Variants in ESYT2 observed in about 807,000 individuals in gnomAD.
ESYT2 encodes extended synaptotagmin 2.
ESYT2 carries 54 observed loss-of-function variants against 107.2 expected under a neutral mutation model. The ratio of observed to expected loss-of-function variants is 0.50; its 90% CI spans 0.40 to 0.63. The LOEUF (loss-of-function observed/expected upper bound fraction) is 0.63, where lower values mean the gene tolerates loss of function less well. ESYT2 is among the 30% of genes least tolerant of loss of function. The pLI is 0.00. For missense variants in ESYT2, 1,020 were observed against 1,094.5 expected (o/e 0.93, Z 0.96); for synonymous variants, 491 against 434.1 (o/e 1.13, Z -1.63).
At chr7:158,756,325 G>A (rs1837754159) in intron 13 of ESYT2, among the ~76,000 whole-genome samples, 1 of 152,156 alleles carries the variant, frequency 6.6e-6, no homozygotes. Flanking sequence ...GAACAGCACA[G>A]GTATCCAGTG....
At chr7:158,813,051 G>A (rs1010028177) in intron 1 of ESYT2, among the ~76,000 whole-genome samples, 2 of 152,160 alleles carry the variant, frequency 1.3e-5, no homozygotes, top group African/African-American at 2.4e-5. Context: ...GCACTGAATT[G>A]TGTCCTTTAA....
intron 3 of ESYT2, among the ~76,000 whole-genome samples, chr7:158,797,647 A>C (rs1366712197): frequency 6.6e-6 from 1 of 152,032 alleles, no homozygotes; most frequent in African/African-American, 2.4e-5. Flanking sequence ...TGAGGTCAGG[A>C]GATCGAGACC....
chr7:158,811,575 G>T (rs547335923), intron 1 of ESYT2, among the ~76,000 whole-genome samples: 2 of 152,302 alleles, frequency 1.3e-5, no homozygotes, highest in South Asian at 4.1e-4. Context: ...ACAAGCTCCC[G>T]CACATGTGCA....
intron 16 of ESYT2, 83 bp downstream of exon 16, chr7:158,748,111 C>T (rs1013854081): frequency 2.4e-5 from 31 of 1,277,730 alleles, no homozygotes; most frequent in Admixed American, 9.4e-5. Context: ...CAGGTGTATA[C>T]ACGGGTCACA....
At chr7:158,819,387 A>T (rs140767283) in intron 1 of ESYT2, among the ~76,000 whole-genome samples, 323 of 152,296 alleles carry the variant, frequency 2.1e-3, no homozygotes, top group African/African-American at 7.5e-3. Flanking sequence ...TCTATTTTTA[A>T]CTCTTCTCAT....
intron 6 of ESYT2, among the ~76,000 whole-genome samples, chr7:158,780,773 T>C (rs1466159059): frequency 6.6e-6 from 1 of 152,042 alleles, no homozygotes; most frequent in African/African-American, 2.4e-5. Flanking sequence ...AAGGAAGAGA[T>C]TTGAATGCAA....
In ESYT2 at chr7:158,732,750, A is replaced by T. The variant is rs148842569; in HGVS notation, c.*1457T>A. 1,040 of 152,802 alleles carry T rather than the reference A, an allele frequency of 6.8e-3. 4 individuals are homozygous for T. Among genetic ancestry groups the T allele is most frequent in the Middle Eastern group, 0.027 (8 of 294 alleles). The allele number at this position is 152,802 out of a possible 1,614,324, so 9.5% of individuals were successfully genotyped here. On this transcript the variant is annotated 3_prime_UTR_variant, in exon 23 of 23. Coordinates refer to ENST00000275418, the MANE Select transcript of ESYT2 (RefSeq NM_001367773.1). Reference sequence around the variant, plus strand: ...CCCACAAGTTGTATAGTTCCATGAAACAAGCTAAAAGCTCCAATTTAAATT... The same window carrying T: ...CCCACAAGTTGTATAGTTCCATGAATCAAGCTAAAAGCTCCAATTTAAATT...
At chr7:158,790,345 TACA>T (rs1197426438) in intron 4 of ESYT2, among the ~76,000 whole-genome samples, 24 of 152,182 alleles carry the variant, frequency 1.6e-4, no homozygotes, top group Non-Finnish European at 3.2e-4. Flanking sequence ...TGCTAGACAC[TACA>T]TGGTTGTTCT....
rs367924064 is a variant in ESYT2 at position 158,761,485 on chromosome 7, G to A, written c.1233+11C>T. 13 of 1,613,754 alleles carry A rather than the reference G, an allele frequency of 8.1e-6. No individual in the cohort carries two copies. The African/African-American group carries it at 1.2e-4, about 15-fold the overall frequency. ...CAATTGTAAACAGACCCACACTCCAGGGAAACTTACTTCATCTAAAAGGCG... is the reference window on the plus strand; with the variant it reads ...CAATTGTAAACAGACCCACACTCCAAGGAAACTTACTTCATCTAAAAGGCG... On this transcript the variant is annotated intron_variant, in intron 11 of 22. Coordinates refer to ENST00000275418, the MANE Select transcript of ESYT2 (RefSeq NM_001367773.1).
chr7:158,789,260 T>C (rs1019407659), intron 4 of ESYT2, among the ~76,000 whole-genome samples: 3 of 152,254 alleles, frequency 2.0e-5, no homozygotes, highest in Non-Finnish European at 4.4e-5. Context: ...ATTCCTCTCA[T>C]TGAGAATTAC....
At chr7:158,756,929 A>G (rs1226529573) in intron 13 of ESYT2, among the ~76,000 whole-genome samples, 2 of 151,420 alleles carry the variant, frequency 1.3e-5, no homozygotes, top group Admixed American at 6.6e-5. Context: ...AAAAAAAAAA[A>G]AAAAAAAAAA....
At position 158,799,042 on chromosome 7, in the gene ESYT2, A is replaced by G; in HGVS notation, c.361T>C (p.Trp121Arg). ...VHFPDTERAE[W>R]LNKTVKHMWP... ...TACTCTAATCTTACCTTATTTAGCC[A>G]TTCTGCTCTTTCAGTGTCTGGAAAA... Residue 121 changes from tryptophan (W) to arginine (R), a missense_variant, in exon 2 of 23, where the codon TGG becomes CGG. By Grantham distance (101) the Trp-to-Arg change is moderately radical (BLOSUM62 -3). Coordinates refer to ENST00000275418, the MANE Select transcript of ESYT2 (RefSeq NM_001367773.1). 1 of 1,613,682 alleles carries G rather than the reference A, an allele frequency of 6.2e-7. No individual in the cohort carries two copies.
At chr7:158,751,778 T>A (rs903690154) in intron 14 of ESYT2, among the ~76,000 whole-genome samples, 2 of 152,130 alleles carry the variant, frequency 1.3e-5, no homozygotes, top group Non-Finnish European at 2.9e-5. Flanking sequence ...AGCAGTTGGG[T>A]TGCAATTTAA....
Position 158,748,242 on chromosome 7 carries a change from G to A in ESYT2, c.1596C>T (p.Asn532=), listed in dbSNP as rs112557009. 9.5e-4 allele frequency: 1,526 copies of A among 1,614,088 alleles called. 11 individuals are homozygous for A. In the African/African-American group the frequency reaches 0.018, roughly 19 times the overall value. The part of the protein sequence containing the change: ...YKTNEPVWEE[N]FTFFIHNPKR... ...TGGGATTGTGAATGAAGAAAGTGAA[G>A]TTTTCCTCCCACACAGGTTCATTGG... The change falls in exon 16 of 23, where the codon AAC becomes AAT. Residue 532 remains asparagine, a synonymous_variant. Transcript: ENST00000275418.
chr7:158,741,396 T>G, intron 18 of ESYT2, 127 bp downstream of exon 18: 1 of 1,379,794 alleles, frequency 7.2e-7, no homozygotes, highest in Non-Finnish European at 9.6e-7. Context: ...TCAGTTAACC[T>G]AAGATTAGGC....
chr7:158,750,819 A>G (rs1161949022), intron 14 of ESYT2, among the ~76,000 whole-genome samples: 1 of 152,204 alleles, frequency 6.6e-6, no homozygotes, highest in Non-Finnish European at 1.5e-5. Flanking sequence ...CCTTGCAGTC[A>G]GGCATGGCCA....
At chr7:158,803,789 C>G (rs987778536) in intron 1 of ESYT2, among the ~76,000 whole-genome samples, 23 of 149,312 alleles carry the variant, frequency 1.5e-4, no homozygotes, top group Non-Finnish European at 3.3e-4. Context: ...AAGGGTGAGG[C>G]GCGTGACAAA....
At chr7:158,784,965 G>C (rs1017850470) in intron 6 of ESYT2, among the ~76,000 whole-genome samples, 7 of 152,134 alleles carry the variant, frequency 4.6e-5, no homozygotes, top group African/African-American at 1.7e-4. Flanking sequence ...CCCTCTAGTC[G>C]AGGGATAAAT....
chr7:158,822,991 C>A (rs1840328575), intron 1 of ESYT2, among the ~76,000 whole-genome samples: 1 of 151,880 alleles, frequency 6.6e-6, no homozygotes, highest in African/African-American at 2.4e-5. Flanking sequence ...ACCTTTTCAT[C>A]CATTATTAAA....
Sources: gnomAD v4.1 joint callset for allele counts (sites outside exome capture counted in the v4.1 genomes callset) on GRCh38, gnomAD v4.1.1 for gene constraint, MANE v1.5 for transcripts, NCBI Gene and HGNC (gene_info 2026-07-23, HGNC 2026-07-21) for gene names.